The following PAPPA variants were observed in gnomAD, a reference collection of about 807,000 sequenced individuals.
The protein encoded by PAPPA is pappalysin-1.
PAPPA carries 60 observed loss-of-function variants against 164.0 expected under a neutral mutation model. The ratio of observed to expected loss-of-function variants is 0.37; its 90% CI spans 0.30 to 0.45. PAPPA has a LOEUF of 0.45. Among genes scored for constraint, PAPPA ranks in the 20% least tolerant of loss-of-function variants. The probability of loss-of-function intolerance (pLI) is 1.00; values close to 1 mark genes in which losing one functional copy is unlikely to be tolerated. For missense variants in PAPPA, 1,782 were observed against 2,087.3 expected (o/e 0.85, Z 2.85); for synonymous variants, 875 against 814.1 (o/e 1.07, Z -1.27).
intron 7 of PAPPA, among the ~76,000 whole-genome samples, chr9:116,256,009 GA>G (rs60349827): frequency 0.013 from 1,683 of 134,100 alleles, 21 homozygotes; most frequent in African/African-American, 0.036. Flanking sequence ...AAAATTAAGT[GA>G]AAAAAAAAAA....
chr9:116,255,841 A>G (rs1476449505), intron 7 of PAPPA, among the ~76,000 whole-genome samples: 1 of 152,012 alleles, frequency 6.6e-6, no homozygotes. Context: ...CTAGCTACCT[A>G]CCTTAATACC....
chr9:116,289,326 CAT>C (rs1226644227), intron 9 of PAPPA, among the ~76,000 whole-genome samples: 2 of 137,292 alleles, frequency 1.5e-5, no homozygotes, highest in Non-Finnish European at 3.1e-5. Context: ...ATATATATGG[CAT>C]ATATATAGCA....
At chr9:116,160,345 G>T (rs1007721558) in intron 1 of PAPPA, among the ~76,000 whole-genome samples, 1 of 151,962 alleles carries the variant, frequency 6.6e-6, no homozygotes, top group Non-Finnish European at 1.5e-5. Flanking sequence ...TGGAACCATG[G>T]TGGTCCCCAT....
chr9:116,362,806 T>A, intron 18 of PAPPA, 67 bp downstream of exon 18: 1 of 1,500,454 alleles, frequency 6.7e-7, no homozygotes, highest in Non-Finnish European at 9.1e-7. Flanking sequence ...GGCTAATGCC[T>A]GGGTGGGTCA....
chr9:116,166,164 A>C (rs1302761748), intron 1 of PAPPA, among the ~76,000 whole-genome samples: 1 of 152,196 alleles, frequency 6.6e-6, no homozygotes, highest in East Asian at 1.9e-4. Context: ...ACAGTGGTTA[A>C]TTCCATTTAC....
intron 2 of PAPPA, among the ~76,000 whole-genome samples, chr9:116,192,733 GGTGGAGAATAGCC>G (rs1844058296): frequency 6.6e-6 from 1 of 152,238 alleles, no homozygotes; most frequent in Admixed American, 6.5e-5. Flanking sequence ...TCTCTACAGT[GGTGGAGAATAGCC>G]AGGGAGGCAG....
At chr9:116,160,670 G>A (rs948524563) in intron 1 of PAPPA, among the ~76,000 whole-genome samples, 5 of 152,138 alleles carry the variant, frequency 3.3e-5, no homozygotes, top group Non-Finnish European at 7.4e-5. Context: ...GAATCCAGTA[G>A]GTATCTATTT....
intron 7 of PAPPA, among the ~76,000 whole-genome samples, chr9:116,254,558 G>A (rs569379678): frequency 1.1e-4 from 17 of 152,190 alleles, no homozygotes; most frequent in South Asian, 2.1e-4. Flanking sequence ...CAGGGTGGGC[G>A]GATCACAAGG....
In PAPPA at chr9:116,231,908, C is replaced by T. The variant is rs1423707224; in HGVS notation, c.2234-3231C>T. On this transcript the variant is annotated intron_variant, in intron 6 of 21. Coordinates refer to ENST00000328252, the MANE Select transcript of PAPPA (RefSeq NM_002581.5). ...TCCTGAGCAGCTGGGGTTACAGGCA[C>T]GTGCCACCACACCGAGGTAATTTTG... Among the ~76,000 whole-genome samples the T allele has an allele frequency of 4.0e-5, 6 of 151,482 alleles. No individual in the cohort carries two copies. The East Asian group carries it at 5.8e-4, about 15-fold the overall frequency.
intron 4 of PAPPA, among the ~76,000 whole-genome samples, chr9:116,214,340 C>T (rs909509304): frequency 6.6e-5 from 10 of 152,162 alleles, no homozygotes; most frequent in Non-Finnish European, 1.3e-4. Flanking sequence ...AGGCTTGTCT[C>T]ATTGAATCCC....
At chr9:116,171,438 A>C (rs1843774600) in intron 1 of PAPPA, among the ~76,000 whole-genome samples, 1 of 152,170 alleles carries the variant, frequency 6.6e-6, no homozygotes, top group Non-Finnish European at 1.5e-5. Flanking sequence ...AACAACAAAC[A>C]CATGGTCCAA....
intron 1 of PAPPA, among the ~76,000 whole-genome samples, chr9:116,159,750 C>T (rs1215053881): frequency 6.6e-6 from 1 of 152,138 alleles, no homozygotes; most frequent in African/African-American, 2.4e-5. Flanking sequence ...TCCCATTTTT[C>T]CCTGCACAGA....
intron 7 of PAPPA, among the ~76,000 whole-genome samples, chr9:116,244,523 C>A (rs188840410): frequency 3.4e-4 from 52 of 152,038 alleles, no homozygotes; most frequent in Admixed American, 3.1e-3. Flanking sequence ...ATAGTACACA[C>A]AAAATTATAA....
At chr9:116,275,656 C>T (rs188247322) in intron 9 of PAPPA, among the ~76,000 whole-genome samples, 4 of 151,812 alleles carry the variant, frequency 2.6e-5, no homozygotes, top group Admixed American at 2.6e-4. Flanking sequence ...TCTCCTCCTC[C>T]TCTTCTTCCT....
At chr9:116,332,208 A>G (rs1454282641) in intron 11 of PAPPA, 125 bp from the exon 12 acceptor site, 4 of 664,206 alleles carry the variant, frequency 6.0e-6, no homozygotes, top group Non-Finnish European at 1.0e-5. Context: ...CCCATCTTGG[A>G]CCCCTGATGA....
intron 9 of PAPPA, among the ~76,000 whole-genome samples, chr9:116,276,924 C>T (rs1025549099): frequency 1.3e-5 from 2 of 152,104 alleles, no homozygotes; most frequent in African/African-American, 4.8e-5. Context: ...AGGGGTTCAC[C>T]GAGCCTTGTG....
chr9:116,235,737 G>C, intron 7 of PAPPA, 100 bp downstream of exon 7: 1 of 1,115,034 alleles, frequency 9.0e-7, no homozygotes, highest in Non-Finnish European at 1.3e-6. Flanking sequence ...GTTCATCACA[G>C]TCAAGACTCA....
At position 116,320,363 on chromosome 9, in the gene PAPPA, A is replaced by C. The variant is rs184551270; in HGVS notation, c.3148-10881A>C. Among the ~76,000 whole-genome samples the C allele has an allele frequency of 1.1e-4, 17 of 152,296 alleles. No homozygotes were observed. The East Asian group carries it at 2.7e-3, about 24-fold the overall frequency. On this transcript the variant is annotated intron_variant, in intron 10 of 21. Transcript: ENST00000328252. ...GCTAATCAGCCCAGAGCTGAGCCCC[A>C]AGGCTGGAGGGCATCCAATGCCAAG...
At chr9:116,237,778 G>C (rs1422340620) in intron 7 of PAPPA, among the ~76,000 whole-genome samples, 2 of 151,378 alleles carry the variant, frequency 1.3e-5, no homozygotes, top group African/African-American at 4.9e-5. Context: ...GGAGTGCAGT[G>C]GTGTGATCTT....
Sources: gnomAD v4.1 joint callset for allele counts (sites outside exome capture counted in the v4.1 genomes callset) on GRCh38, gnomAD v4.1.1 for gene constraint, MANE v1.5 for transcripts, NCBI Gene and HGNC (gene_info 2026-07-23, HGNC 2026-07-21) for gene names.